The following TPRG1 variants were observed in gnomAD, a reference collection of about 807,000 sequenced individuals.
The protein encoded by TPRG1 is tumor protein p63-regulated gene 1 protein.
Under a neutral mutation model 29.3 loss-of-function variants are expected in TPRG1, and 29 were observed. That is an observed-to-expected ratio of 0.99 (90% confidence interval 0.74 to 1.35). The LOEUF (loss-of-function observed/expected upper bound fraction) is 1.35, where lower values mean the gene tolerates loss of function less well. Ranked by LOEUF, TPRG1 falls within the 40% of genes most tolerant of loss-of-function variation. The pLI is 0.00. For missense variants in TPRG1, 327 were observed against 335.0 expected, an observed-to-expected ratio of 0.98 and a Z score of 0.19; for synonymous variants, 130 against 116.8, an observed-to-expected ratio of 1.11 and a Z score of -0.73.
intron 4 of TPRG1, among the ~76,000 whole-genome samples, chr3:189,289,955 T>C (rs1254162145): frequency 1.3e-5 from 2 of 152,230 alleles, no homozygotes; most frequent in African/African-American, 4.8e-5. Flanking sequence ...AATTAAATGG[T>C]GTACATTTTC....
At chr3:189,079,295 C>T (rs1234102641) in intron 4 of TPRG1, among the ~76,000 whole-genome samples, 1 of 152,086 alleles carries the variant, frequency 6.6e-6, no homozygotes, top group East Asian at 1.9e-4. Flanking sequence ...TGTTCCCCAC[C>T]TCCAACATTG....
intron 1 of TPRG1, among the ~76,000 whole-genome samples, chr3:189,184,410 C>T (rs530689479): frequency 1.3e-5 from 2 of 152,232 alleles, no homozygotes; most frequent in African/African-American, 4.8e-5. Context: ...ACACTGATAG[C>T]ATAACTCCAT....
intron 1 of TPRG1, among the ~76,000 whole-genome samples, chr3:189,125,134 A>T (rs538752707): frequency 6.6e-6 from 1 of 152,226 alleles, no homozygotes. Context: ...GCTTATACTC[A>T]GACAAAAAGT....
At chr3:189,135,689 C>T (rs1039349034) in intron 3 of TPRG1, among the ~76,000 whole-genome samples, 1 of 152,192 alleles carries the variant, frequency 6.6e-6, no homozygotes, top group Non-Finnish European at 1.5e-5. Flanking sequence ...ATATAGGATA[C>T]ATTTCTCCAA....
intron 3 of TPRG1, among the ~76,000 whole-genome samples, chr3:189,141,223 T>TTGTATGGAA (rs1724508249): frequency 6.6e-6 from 1 of 152,182 alleles, no homozygotes; most frequent in South Asian, 2.1e-4. Context: ...GTTCTGTAAG[T>TTGTATGGAA]TGTATGGAAT....
intron 1 of TPRG1, among the ~76,000 whole-genome samples, chr3:189,183,842 G>C (rs1051032120): frequency 1.3e-5 from 2 of 151,014 alleles, no homozygotes; most frequent in African/African-American, 4.9e-5. Context: ...TGCAGTTAAC[G>C]CAATTATCAC....
intron 1 of TPRG1, among the ~76,000 whole-genome samples, chr3:189,201,954 A>G (rs1733568181): frequency 6.6e-6 from 1 of 151,932 alleles, no homozygotes; most frequent in Non-Finnish European, 1.5e-5. Flanking sequence ...CGCAGCCTCA[A>G]ATTGGCCTTT....
intron 4 of TPRG1, among the ~76,000 whole-genome samples, chr3:189,032,718 G>C (rs1409501082): frequency 6.6e-6 from 1 of 150,586 alleles, no homozygotes; most frequent in East Asian, 2.0e-4. Flanking sequence ...TTTAGCATTA[G>C]GTGTATCTCC....
At chr3:189,293,982 G>T (rs1223361491) in intron 4 of TPRG1, among the ~76,000 whole-genome samples, 1 of 152,154 alleles carries the variant, frequency 6.6e-6, no homozygotes, top group Non-Finnish European at 1.5e-5. Flanking sequence ...CTACCTGTCT[G>T]CAATCTATCT....
At chr3:189,017,292 A>G (rs1400731252) in intron 3 of TPRG1, among the ~76,000 whole-genome samples, 3 of 151,954 alleles carry the variant, frequency 2.0e-5, no homozygotes, top group East Asian at 3.9e-4. Context: ...GGTTAGTTAC[A>G]TATGTATACA....
chr3:189,166,254 C>G (rs1182942413), intron 5 of TPRG1, among the ~76,000 whole-genome samples: 1 of 152,186 alleles, frequency 6.6e-6, no homozygotes, highest in Non-Finnish European at 1.5e-5. Flanking sequence ...TGGTTCAACT[C>G]CTATGGTCCA....
At chr3:189,069,469 G>A (rs1339134855) in intron 4 of TPRG1, among the ~76,000 whole-genome samples, 7 of 152,056 alleles carry the variant, frequency 4.6e-5, no homozygotes, top group Admixed American at 2.6e-4. Context: ...GATATTGTAC[G>A]ATAGATAGTT....
chr3:189,197,849 A>G (rs1461346695), intron 1 of TPRG1, among the ~76,000 whole-genome samples: 1 of 152,206 alleles, frequency 6.6e-6, no homozygotes, highest in Admixed American at 6.5e-5. Context: ...ATGATACAAT[A>G]TTGGACCATA....
rs550782942 is a variant in TPRG1, at chr3:189,147,293, A to G, written c.-290-291A>G. On this transcript the variant is annotated intron_variant, in intron 3 of 6. Coordinates refer to the TPRG1 transcript ENST00000412373. ...ATCTTTCGGCCTCACATTCTAATAT[A>G]ACCTCTGCTCTAGCAGTGGAGAAAG... Among the ~76,000 whole-genome samples the G allele has an allele frequency of 6.6e-5, 10 of 152,302 alleles. No individual in the cohort carries two copies. The South Asian group carries it at 2.1e-3, about 32-fold the overall frequency.
intron 4 of TPRG1, among the ~76,000 whole-genome samples, chr3:189,024,913 G>A (rs1453507475): frequency 1.3e-5 from 2 of 152,200 alleles, no homozygotes; most frequent in Non-Finnish European, 2.9e-5. Context: ...GCCCCCAGGG[G>A]CTTCGTCCCA....
chr3:189,023,516 C>A (rs1193963979), intron 3 of TPRG1, among the ~76,000 whole-genome samples: 1 of 152,170 alleles, frequency 6.6e-6, no homozygotes, highest in Admixed American at 6.5e-5. Flanking sequence ...GCCATCTCAG[C>A]CTCAGCCCAG....
At position 189,166,903 on chromosome 3, in the gene TPRG1, A is replaced by T. The variant is rs570018854; in HGVS notation, c.-10+16031A>T. 7.9e-5 allele frequency among the ~76,000 whole-genome samples: 12 copies of T among 152,286 alleles called. No individual in the cohort carries two copies. In the South Asian group the frequency reaches 1.9e-3, roughly 24 times the overall value. On this transcript the variant is annotated intron_variant, in intron 5 of 6. Coordinates refer to the TPRG1 transcript ENST00000412373. ...GGTATCCGAGTCTGCCGGTGACTGA[A>T]CTGGGGGTGGGACTCTTATTTGTGT...
intron 4 of TPRG1, among the ~76,000 whole-genome samples, chr3:189,283,320 C>T (rs886741864): frequency 6.6e-6 from 1 of 152,184 alleles, no homozygotes; most frequent in Non-Finnish European, 1.5e-5. Context: ...TGACATTCAG[C>T]TTCTACCAGA....
chr3:189,122,934 A>G (rs1469753402), intron 1 of TPRG1, among the ~76,000 whole-genome samples: 1 of 152,214 alleles, frequency 6.6e-6, no homozygotes, highest in Non-Finnish European at 1.5e-5. Context: ...AGCTCTTATT[A>G]TGTGCCAGGC....
Sources: allele counts gnomAD v4.1 joint callset (sites outside exome capture counted in the v4.1 genomes callset), GRCh38; gene constraint gnomAD v4.1.1; transcripts MANE v1.5; gene names NCBI Gene and HGNC (gene_info 2026-07-23, HGNC 2026-07-21).